PCDH7: variants seen among roughly 807,000 people sequenced by gnomAD.
PCDH7 encodes protocadherin-7.
PCDH7 carries 17 observed loss-of-function variants against 58.9 expected under a neutral mutation model. The ratio of observed to expected loss-of-function variants is 0.29; its 90% CI spans 0.20 to 0.43. PCDH7 has a LOEUF of 0.43. Among genes scored for constraint, PCDH7 ranks in the 20% least tolerant of loss-of-function variants. The pLI, the probability that PCDH7 is intolerant of heterozygous loss-of-function variation, is 1.00. For synonymous variants in PCDH7, 664 were observed against 616.4 expected (o/e 1.08, Z -1.14); for missense variants, 1,274 against 1,441.0 (o/e 0.88, Z 1.88).
intron 1 of PCDH7, among the ~76,000 whole-genome samples, chr4:30,798,897 T>C (rs1012338137): frequency 6.6e-6 from 1 of 152,262 alleles, no homozygotes; most frequent in Non-Finnish European, 1.5e-5. Context: ...TTGTTTGCTT[T>C]TGTGCTTCCT....
chr4:30,946,992 G>T (rs556311361), intron 2 of PCDH7, among the ~76,000 whole-genome samples: 1 of 152,086 alleles, frequency 6.6e-6, no homozygotes, highest in Admixed American at 6.6e-5. Context: ...GATTACAGGC[G>T]TGAGCCACTG....
At position 30,775,678 on chromosome 4, in the gene PCDH7, C is replaced by T. The variant is rs540119430; in HGVS notation, c.70+51082C>T. ...ATCCCAGCACTTTGGGAGGCCAAGG[C>T]GGGAGGATCACGAGGTCAGGAGTTT... On this transcript the variant is annotated intron_variant, in intron 1 of 3. Coordinates refer to the PCDH7 transcript ENST00000509759. Among the ~76,000 whole-genome samples the T allele has an allele frequency of 5.9e-5, 9 of 152,138 alleles. No individual in the cohort carries two copies. The South Asian group carries it at 8.3e-4, about 14-fold the overall frequency.
At chr4:30,980,213 T>G (rs1020191167) in intron 3 of PCDH7, among the ~76,000 whole-genome samples, 7 of 152,182 alleles carry the variant, frequency 4.6e-5, no homozygotes, top group Admixed American at 1.3e-4. Flanking sequence ...ATAAAAGTAT[T>G]CAACAGGACT....
At chr4:31,090,052 C>T (rs902618823) in intron 3 of PCDH7, among the ~76,000 whole-genome samples, 2 of 151,948 alleles carry the variant, frequency 1.3e-5, no homozygotes, top group Non-Finnish European at 2.9e-5. Flanking sequence ...CAAGTCATCA[C>T]CCCTTTCTCT....
At chr4:30,928,710 A>C (rs1744198865) in intron 2 of PCDH7, among the ~76,000 whole-genome samples, 1 of 152,224 alleles carries the variant, frequency 6.6e-6, no homozygotes, top group African/African-American at 2.4e-5. Flanking sequence ...TTTATAAATC[A>C]AATGTTGGAC....
chr4:30,830,000 T>C (rs1729575368), intron 1 of PCDH7, among the ~76,000 whole-genome samples: 1 of 152,134 alleles, frequency 6.6e-6, no homozygotes, highest in Non-Finnish European at 1.5e-5. Flanking sequence ...TCTGGTTTCA[T>C]GCACGTTAAT....
At chr4:31,064,785 A>T (rs1290827418) in intron 3 of PCDH7, among the ~76,000 whole-genome samples, 2 of 152,022 alleles carry the variant, frequency 1.3e-5, no homozygotes, top group Non-Finnish European at 1.5e-5. Context: ...TTTCTGAATA[A>T]CAGCAAATTA....
intron 1 of PCDH7, among the ~76,000 whole-genome samples, chr4:30,789,884 C>T (rs1192547922): frequency 2.6e-5 from 4 of 152,128 alleles, no homozygotes; most frequent in African/African-American, 9.7e-5. Context: ...ACCTTCTACC[C>T]TTTCCTCTTG....
At chr4:31,012,223 G>C (rs963571673) in intron 3 of PCDH7, among the ~76,000 whole-genome samples, 1 of 151,704 alleles carries the variant, frequency 6.6e-6, no homozygotes, top group Non-Finnish European at 1.5e-5. Context: ...AATAAAAATC[G>C]GTCAGTACAC....
chr4:31,126,582 T>G, intron 3 of PCDH7, among the ~76,000 whole-genome samples: 1 of 152,202 alleles, frequency 6.6e-6, no homozygotes, highest in East Asian at 1.9e-4. Context: ...TTTCTTCTTA[T>G]TTCTTCTTCA....
intron 1 of PCDH7, among the ~76,000 whole-genome samples, chr4:30,888,016 C>T (rs1738065311): frequency 6.6e-6 from 1 of 151,998 alleles, no homozygotes; most frequent in Admixed American, 6.6e-5. Flanking sequence ...GCTGGGACTA[C>T]AGGCATGAGC....
At chr4:31,004,624 T>G (rs1411797328) in intron 3 of PCDH7, among the ~76,000 whole-genome samples, 3 of 151,996 alleles carry the variant, frequency 2.0e-5, no homozygotes, top group Non-Finnish European at 4.4e-5. Context: ...AGGTGGAGGT[T>G]GCAGTGAGCC....
At chr4:30,792,902 T>A (rs1290380292) in intron 1 of PCDH7, among the ~76,000 whole-genome samples, 1 of 152,144 alleles carries the variant, frequency 6.6e-6, no homozygotes, top group African/African-American at 2.4e-5. Context: ...GGGTACAGTA[T>A]TCTAACATTC....
intron 3 of PCDH7, among the ~76,000 whole-genome samples, chr4:31,030,463 G>T (rs1239875306): frequency 6.6e-6 from 1 of 152,160 alleles, no homozygotes. Context: ...AAAAGAAAAA[G>T]AAGTTGAAGT....
intron 1 of PCDH7, among the ~76,000 whole-genome samples, chr4:30,741,107 A>C (rs1717013637): frequency 6.6e-6 from 1 of 152,156 alleles, no homozygotes; most frequent in Admixed American, 6.5e-5. Flanking sequence ...TCGGTTATAT[A>C]ATGTTTTTAA....
chr4:30,973,610 G>T lies in PCDH7; in HGVS notation c.*7+23395G>T, dbSNP rs1052953332. Among the ~76,000 whole-genome samples, 6 of 152,260 alleles carry T rather than the reference G, an allele frequency of 3.9e-5. No individual in the cohort carries two copies. The South Asian group carries it at 8.3e-4, about 21-fold the overall frequency. On this transcript the variant is annotated intron_variant, in intron 3 of 3. Transcript: ENST00000509759. Reference sequence around the variant, plus strand: ...AGGGAGGATAATGATGGTAATAGCAGCAGGGAAGTGGCTGGAATGAGGTAA... The same window carrying T: ...AGGGAGGATAATGATGGTAATAGCATCAGGGAAGTGGCTGGAATGAGGTAA...
At chr4:31,051,757 G>A (rs1756748122) in intron 3 of PCDH7, among the ~76,000 whole-genome samples, 1 of 148,772 alleles carries the variant, frequency 6.7e-6, no homozygotes, top group South Asian at 2.2e-4. Context: ...GCAATCTTCT[G>A]TAGAAAAATA....
At chr4:30,728,768 G>C (rs891715928) in intron 1 of PCDH7, among the ~76,000 whole-genome samples, 5 of 150,388 alleles carry the variant, frequency 3.3e-5, no homozygotes, top group Non-Finnish European at 7.4e-5. Context: ...CAATAAATAT[G>C]GCAAAATCAT....
At chr4:30,873,976 G>T (rs964545237) in intron 1 of PCDH7, among the ~76,000 whole-genome samples, 37 of 152,076 alleles carry the variant, frequency 2.4e-4, no homozygotes, top group African/African-American at 8.0e-4. Flanking sequence ...GTTCCTAGTT[G>T]TTTCAGTTGG....
Sources: gnomAD v4.1 joint callset for allele counts (sites outside exome capture counted in the v4.1 genomes callset) on GRCh38, gnomAD v4.1.1 for gene constraint, MANE v1.5 for transcripts, NCBI Gene and HGNC (gene_info 2026-07-23, HGNC 2026-07-21) for gene names.